The following ERG variants were observed in gnomAD, a reference collection of about 807,000 sequenced individuals.
ERG encodes ETS transcription factor ERG.
In ERG, 9 loss-of-function variants were observed where a neutral mutation model predicts 55.3. The ratio of observed to expected loss-of-function variants is 0.16; its 90% CI spans 0.10 to 0.28. The LOEUF is 0.28. ERG is among the 10% of genes least tolerant of loss of function. The pLI, the probability that ERG is intolerant of heterozygous loss-of-function variation, is 1.00. For missense variants in ERG, 434 were observed against 631.6 expected, an observed-to-expected ratio of 0.69 and a Z score of 3.35; for synonymous variants, 223 against 237.3, an observed-to-expected ratio of 0.94 and a Z score of 0.55.
chr21:38,512,016 G>A (rs2059515588), intron 2 of ERG, among the ~76,000 whole-genome samples: 1 of 152,222 alleles, frequency 6.6e-6, no homozygotes, highest in Admixed American at 6.5e-5. Context: ...TGTGTGCACT[G>A]TGTGCATGAC....
At chr21:38,645,327 T>C (rs2060449359) in intron 1 of ERG, among the ~76,000 whole-genome samples, 1 of 152,240 alleles carries the variant, frequency 6.6e-6, no homozygotes, top group East Asian at 1.9e-4. Context: ...AACAAATATA[T>C]GGCTTGTAAT....
intron 1 of ERG, among the ~76,000 whole-genome samples, chr21:38,590,853 C>T (rs1214443342): frequency 6.6e-6 from 1 of 152,238 alleles, no homozygotes; most frequent in Non-Finnish European, 1.5e-5. Flanking sequence ...CCAACTCCCC[C>T]ATTGCCTTGC....
intron 1 of ERG, among the ~76,000 whole-genome samples, chr21:38,606,259 A>T (rs1266181862): frequency 6.6e-6 from 1 of 152,202 alleles, no homozygotes; most frequent in Non-Finnish European, 1.5e-5. Context: ...ATAGGTAGGT[A>T]GATAGGTGAC....
intron 1 of ERG, among the ~76,000 whole-genome samples, chr21:38,651,585 T>C (rs2060489114): frequency 6.6e-6 from 1 of 152,264 alleles, no homozygotes; most frequent in Non-Finnish European, 1.5e-5. Flanking sequence ...ATGTGTTACA[T>C]AAATTACATT....
upstream of ERG, among the ~76,000 whole-genome samples, chr21:38,585,555 T>TTTTTTTTTTTTTTTTTTTTTTTTTC (rs2060058715): frequency 7.1e-6 from 1 of 141,478 alleles, no homozygotes; most frequent in Non-Finnish European, 1.5e-5. Context: ...TTTTTTTTTT[T>TTTTTTTTTTTTTTTTTTTTTTTTTC]TTTAGATACA....
At chr21:38,653,867 C>G (rs1054896238) in intron 1 of ERG, among the ~76,000 whole-genome samples, 2 of 152,216 alleles carry the variant, frequency 1.3e-5, no homozygotes, top group Admixed American at 6.5e-5. Context: ...TTGCTTAAGA[C>G]CCATAAAGAA....
In ERG at chr21:38,435,595, T is replaced by C. The variant is rs115587042; in HGVS notation, c.236+9809A>G. Among the ~76,000 whole-genome samples, 1,120 of 152,298 alleles carry C rather than the reference T, an allele frequency of 7.4e-3. 12 individuals carry two copies. Among genetic ancestry groups the C allele is most frequent in the Admixed American group, 0.023 (348 of 15,294 alleles). On this transcript the variant is annotated intron_variant, in intron 2 of 9. Transcript: ENST00000288319. ...GTTCCCTCCCCCTTCCCTGAAGCAGTTGAAGACAAAATTAATTAAAAAGTC... is the reference window on the plus strand; with the variant it reads ...GTTCCCTCCCCCTTCCCTGAAGCAGCTGAAGACAAAATTAATTAAAAAGTC...
chr21:38,605,638 G>A (rs11701228), intron 1 of ERG, among the ~76,000 whole-genome samples: 31,246 of 152,120 alleles, frequency 0.21, 3,665 homozygotes, highest in Non-Finnish European at 0.27. Flanking sequence ...AAGCACTGCG[G>A]GTGGGGTTCC....
At chr21:38,416,245 C>T (rs1168837020) in intron 3 of ERG, among the ~76,000 whole-genome samples, 3 of 152,208 alleles carry the variant, frequency 2.0e-5, no homozygotes, top group African/African-American at 7.2e-5. Flanking sequence ...GAAGATGTCA[C>T]AAGAAATAAG....
chr21:38,441,886 C>T (rs567483772), intron 2 of ERG, among the ~76,000 whole-genome samples: 1 of 152,344 alleles, frequency 6.6e-6, no homozygotes, highest in South Asian at 2.1e-4. Context: ...TTGTTCCCTT[C>T]ATGAACAGCA....
At position 38,528,694 on chromosome 21, in the gene ERG, C is replaced by T. The variant is rs542969015; in HGVS notation, c.-41+46968G>A. Among the ~76,000 whole-genome samples, 3 of 40,230 alleles carry T rather than the reference C, an allele frequency of 7.5e-5. No individual in the cohort carries two copies. The East Asian group carries it at 9.5e-4, about 13-fold the overall frequency. 26.4% of individuals were successfully genotyped at this position (40,230 alleles called of 152,430 possible). A position where few individuals can be genotyped will look rare whatever the true frequency, so the allele number is the denominator to read the frequency against. On this transcript the variant is annotated intron_variant, in intron 2 of 8. Coordinates refer to the ERG transcript ENST00000398897. ...CGATCTCCTGACCTCATGATCCACC[C>T]GCCTCGGCCTCCCAAAGTGCTGGGA... is the stretch of plus-strand genomic sequence containing the variant.
chr21:38,459,873 C>T (rs7278274), intron 1 of ERG, among the ~76,000 whole-genome samples: 28,701 of 152,156 alleles, frequency 0.19, 2,918 homozygotes, highest in African/African-American at 0.26. Context: ...CTACAAGCCA[C>T]AGATAATTTT....
At chr21:38,456,873 T>C (rs1448809720) in intron 1 of ERG, among the ~76,000 whole-genome samples, 1 of 152,192 alleles carries the variant, frequency 6.6e-6, no homozygotes, top group Non-Finnish European at 1.5e-5. Context: ...ATCAGAGCCC[T>C]TTGCTAATGT....
rs367647136 is a variant in ERG at position 38,581,240 on chromosome 21, G to A, written c.-127+3604C>T. ...GGACGCTGGGCTGGGGGCAGTGCTC[G>A]ATATGAGCACAGTGCAGAGCCAGAT... On this transcript the variant is annotated intron_variant, in intron 1 of 8. Transcript: ENST00000398897. 4.6e-5 allele frequency among the ~76,000 whole-genome samples: 7 copies of A among 152,298 alleles called. No homozygotes were observed. The South Asian group carries it at 8.3e-4, about 18-fold the overall frequency.
intron 1 of ERG, chr21:38,660,750 G>C (rs2060549227): frequency 6.6e-6 from 1 of 151,836 alleles, no homozygotes; most frequent in Non-Finnish European, 1.5e-5. Context: ...CGCGACTTGC[G>C]AACCCGGAGT....
intron 2 of ERG, among the ~76,000 whole-genome samples, chr21:38,532,850 G>A (rs1305242859): frequency 2.0e-5 from 3 of 152,196 alleles, no homozygotes; most frequent in South Asian, 2.1e-4. Context: ...GAAATACAAC[G>A]AAATCCCTTA....
chr21:38,489,562 C>T (rs1194903220), intron 1 of ERG, among the ~76,000 whole-genome samples: 1 of 152,250 alleles, frequency 6.6e-6, no homozygotes, highest in Non-Finnish European at 1.5e-5. Context: ...ATAAAAGTCA[C>T]TTACATTTGG....
At chr21:38,528,859 C>T (rs2059651406) in intron 2 of ERG, among the ~76,000 whole-genome samples, 1 of 152,026 alleles carries the variant, frequency 6.6e-6, no homozygotes, top group African/African-American at 2.4e-5. Context: ...GAGAGAACCA[C>T]AATATTAGCA....
rs993777966 is a variant in ERG at position 38,382,481 on chromosome 21, C to A, written c.*922G>T. ...CATTTGACAAACAAAGAAAGAGATG[C>A]GCATTTTTGTTTCTGAATTCTACTA... On this transcript the variant is annotated 3_prime_UTR_variant, in exon 10 of 10. Coordinates refer to ENST00000288319, the MANE Select transcript of ERG (RefSeq NM_182918.4). 3 of 1,063,638 alleles carry A rather than the reference C, an allele frequency of 2.8e-6. No individual in the cohort carries two copies. The highest frequency in any genetic ancestry group is 1.6e-5 in the African/African-American group (1 of 60,954). The allele number at this position is 1,063,638 out of a possible 1,614,324, so 65.9% of individuals were successfully genotyped here.
Sources: allele counts gnomAD v4.1 joint callset (sites outside exome capture counted in the v4.1 genomes callset), GRCh38; gene constraint gnomAD v4.1.1; transcripts MANE v1.5; gene names NCBI Gene and HGNC (gene_info 2026-07-23, HGNC 2026-07-21).